CCDC91: variants seen among roughly 807,000 people sequenced by gnomAD.
The protein encoded by CCDC91 is coiled-coil domain containing 91.
CCDC91 carries 48 observed loss-of-function variants against 63.2 expected under a neutral mutation model. The ratio of observed to expected loss-of-function variants is 0.76; its 90% CI spans 0.60 to 0.97. CCDC91 has a LOEUF of 0.97. Among genes scored for constraint, CCDC91 ranks in the 50% least tolerant of loss-of-function variants. The pLI is 0.00. For missense variants in CCDC91, 500 were observed against 494.6 expected (o/e 1.01, Z -0.10); for synonymous variants, 167 against 165.8 (o/e 1.01, Z -0.06).
chr12:28,228,201 G>A (rs180901390), intron 1 of CCDC91, among the ~76,000 whole-genome samples: 11 of 152,102 alleles, frequency 7.2e-5, no homozygotes, highest in African/African-American at 2.6e-4. Flanking sequence ...TTATAAACCT[G>A]TCCTTTTGGC....
At chr12:28,486,204 A>T (rs1283842162) in intron 12 of CCDC91, among the ~76,000 whole-genome samples, 4 of 152,152 alleles carry the variant, frequency 2.6e-5, no homozygotes, top group Admixed American at 1.3e-4. Flanking sequence ...ACTAGTTTAG[A>T]TACTCTGTAT....
At chr12:28,305,874 CT>C (rs1565769017) in intron 4 of CCDC91, 68 bp downstream of exon 4, 5 of 1,330,678 alleles carry the variant, frequency 3.8e-6, no homozygotes, top group Middle Eastern at 1.9e-4. Context: ...TTAATTGTTG[CT>C]TTTTTAATTT....
chr12:28,549,001 C>G (rs1290039811), intron 12 of CCDC91, 62 bp from the exon 13 acceptor site: 2 of 1,148,312 alleles, frequency 1.7e-6, no homozygotes, highest in Non-Finnish European at 2.6e-6. Context: ...ACATAATATT[C>G]TTTATCCTTC....
At chr12:28,283,007 T>A (rs991463128) in intron 3 of CCDC91, among the ~76,000 whole-genome samples, 12 of 152,134 alleles carry the variant, frequency 7.9e-5, no homozygotes, top group Non-Finnish European at 1.6e-4. Context: ...TTGTTAAAGA[T>A]CAGTTGGTTG....
intron 12 of CCDC91, among the ~76,000 whole-genome samples, chr12:28,524,855 C>A (rs1941116127): frequency 6.6e-6 from 1 of 151,980 alleles, no homozygotes; most frequent in Non-Finnish European, 1.5e-5. Flanking sequence ...ATTTATCCAT[C>A]TCCTCTAGGT....
At chr12:28,202,317 C>G (rs1591971158) in intron 1 of CCDC91, among the ~76,000 whole-genome samples, 1 of 152,150 alleles carries the variant, frequency 6.6e-6, no homozygotes, top group East Asian at 1.9e-4. Context: ...ATCATCCTTT[C>G]TTGTCTCTTG....
intron 3 of CCDC91, among the ~76,000 whole-genome samples, chr12:28,304,213 C>T (rs531128542): frequency 2.7e-4 from 41 of 151,060 alleles, no homozygotes; most frequent in Non-Finnish European, 4.1e-4. Context: ...CCCATCTCTA[C>T]TAAAAATACA....
chr12:28,361,560 T>G (rs1209299316), intron 6 of CCDC91, among the ~76,000 whole-genome samples: 1 of 150,270 alleles, frequency 6.7e-6, no homozygotes, highest in Non-Finnish European at 1.5e-5. Context: ...TAAATATTCC[T>G]TTTGCTGTAG....
intron 6 of CCDC91, among the ~76,000 whole-genome samples, chr12:28,351,570 A>G (rs547180010): frequency 2.0e-5 from 3 of 152,024 alleles, no homozygotes; most frequent in Admixed American, 2.0e-4. Flanking sequence ...TTCTGTTGCC[A>G]TCTGTGCCTG....
chr12:28,460,553 G>A (rs577759012), intron 11 of CCDC91, among the ~76,000 whole-genome samples: 128 of 152,054 alleles, frequency 8.4e-4, no homozygotes, highest in African/African-American at 2.9e-3. Flanking sequence ...GAGGCCCTTA[G>A]AAACGAGACA....
intron 6 of CCDC91, among the ~76,000 whole-genome samples, chr12:28,331,236 C>T (rs1941480627): frequency 1.3e-5 from 2 of 152,064 alleles, no homozygotes; most frequent in Admixed American, 6.6e-5. Flanking sequence ...CTTTCTAGCC[C>T]CACAGTATGT....
At chr12:28,479,578 C>T (rs1461074203) in intron 11 of CCDC91, among the ~76,000 whole-genome samples, 8 of 152,100 alleles carry the variant, frequency 5.3e-5, no homozygotes, top group Admixed American at 2.0e-4. Context: ...CAAACCTGCA[C>T]GTTGTGCACC....
At chr12:28,318,717 TC>T (rs1416429469) in intron 6 of CCDC91, among the ~76,000 whole-genome samples, 1 of 152,082 alleles carries the variant, frequency 6.6e-6, no homozygotes, top group African/African-American at 2.4e-5. Flanking sequence ...TATGTCATTT[TC>T]TTATCCCTGT....
intron 5 of CCDC91, 21 bp downstream of exon 5, chr12:28,306,966 G>T (rs543494482): frequency 2.1e-6 from 3 of 1,446,364 alleles, no homozygotes; most frequent in South Asian, 1.2e-5. Context: ...ATTTGCCTAA[G>T]AAATGTTTGA....
chr12:28,257,661 T>C (rs1946540057), intron 2 of CCDC91, among the ~76,000 whole-genome samples: 1 of 152,154 alleles, frequency 6.6e-6, no homozygotes, highest in African/African-American at 2.4e-5. Context: ...ATTAAGTACA[T>C]AGCCTTTTGG....
intron 8 of CCDC91, among the ~76,000 whole-genome samples, chr12:28,415,664 T>TTGTGTG (rs61077919): frequency 0.17 from 24,721 of 148,350 alleles, 2,446 homozygotes; most frequent in Non-Finnish European, 0.24. Context: ...AGATATATAT[T>TTGTGTG]TGTGTGTGTG....
At chr12:28,460,054 A>G (rs1177658878) in intron 11 of CCDC91, among the ~76,000 whole-genome samples, 1 of 152,112 alleles carries the variant, frequency 6.6e-6, no homozygotes, top group Admixed American at 6.6e-5. Context: ...AAGGATGCAT[A>G]CATAATTTGA....
intron 11 of CCDC91, among the ~76,000 whole-genome samples, chr12:28,472,177 G>T (rs1950853709): frequency 6.6e-6 from 1 of 152,160 alleles, no homozygotes; most frequent in Non-Finnish European, 1.5e-5. Context: ...ACCACAGAAG[G>T]AAGAGACAAG....
intron 8 of CCDC91, among the ~76,000 whole-genome samples, chr12:28,438,765 C>T (rs1319581199): frequency 2.6e-5 from 4 of 151,966 alleles, no homozygotes; most frequent in Non-Finnish European, 5.9e-5. Flanking sequence ...GATGCATTTT[C>T]AATTTATGAT....
Sources: gnomAD v4.1 joint callset for allele counts (sites outside exome capture counted in the v4.1 genomes callset) on GRCh38, gnomAD v4.1.1 for gene constraint, MANE v1.5 for transcripts, NCBI Gene and HGNC (gene_info 2026-07-23, HGNC 2026-07-21) for gene names.